The following BAIAP2 variants were observed in gnomAD, a reference collection of about 807,000 sequenced individuals.
The protein encoded by BAIAP2 is BAR/IMD domain containing adaptor protein 2.
A neutral mutation model predicts 63.0 loss-of-function variants in BAIAP2; 18 were observed. That is an observed-to-expected ratio of 0.29 (90% CI 0.20 to 0.42). The LOEUF is 0.42. Among genes scored for constraint, BAIAP2 ranks in the 10% least tolerant of loss-of-function variants. The probability of loss-of-function intolerance (pLI) is 1.00; values close to 1 mark genes in which losing one functional copy is unlikely to be tolerated. For missense variants in BAIAP2, 610 were observed against 734.3 expected (o/e 0.83, Z 1.96); for synonymous variants, 386 against 307.6 (o/e 1.25, Z -2.67).
chr17:81,076,737 C>T (rs2053724593), intron 3 of BAIAP2, among the ~76,000 whole-genome samples: 1 of 152,186 alleles, frequency 6.6e-6, no homozygotes, highest in Admixed American at 6.5e-5. Context: ...AATCCCAGCA[C>T]TTTGGGAGTC....
intron 6 of BAIAP2, among the ~76,000 whole-genome samples, chr17:81,090,404 G>A (rs1555674047): frequency 6.6e-6 from 1 of 151,854 alleles, no homozygotes; most frequent in Non-Finnish European, 1.5e-5. Context: ...GTCAATGGGA[G>A]ACGGGGCTTC....
chr17:81,101,960 C>T (rs1010345562), intron 7 of BAIAP2, among the ~76,000 whole-genome samples: 7 of 152,312 alleles, frequency 4.6e-5, no homozygotes, highest in South Asian at 2.1e-4. Flanking sequence ...GGCCCCATGA[C>T]GGGGCCAGGG....
intron 7 of BAIAP2, 66 bp downstream of exon 7, chr17:81,100,146 T>C: frequency 6.5e-7 from 1 of 1,529,408 alleles, no homozygotes. Flanking sequence ...CCCAGGCCCC[T>C]GCCCCAGCCC....
intron 1 of BAIAP2, among the ~76,000 whole-genome samples, chr17:81,041,500 A>T (rs1228398257): frequency 6.6e-6 from 1 of 152,136 alleles, no homozygotes; most frequent in Non-Finnish European, 1.5e-5. Flanking sequence ...TTTATTTTAT[A>T]CTTACTGGAA....
intron 3 of BAIAP2, among the ~76,000 whole-genome samples, chr17:81,063,317 C>T (rs1199546027): frequency 6.6e-6 from 1 of 152,202 alleles, no homozygotes; most frequent in African/African-American, 2.4e-5. Context: ...GCCTTTCTCA[C>T]TGTGTCTTAG....
At chr17:81,070,595 C>A (rs1174566269) in intron 3 of BAIAP2, among the ~76,000 whole-genome samples, 1 of 152,214 alleles carries the variant, frequency 6.6e-6, no homozygotes, top group African/African-American at 2.4e-5. Context: ...CCCTGGCGTG[C>A]CTGTCCCGCT....
At chr17:81,053,198 C>T (rs2048937312) in intron 1 of BAIAP2, among the ~76,000 whole-genome samples, 1 of 148,898 alleles carries the variant, frequency 6.7e-6, no homozygotes, top group African/African-American at 2.5e-5. Context: ...TGCAGTGGTG[C>T]TAATCAGAGC....
chr17:81,093,938 C>A (rs761899989), intron 6 of BAIAP2, among the ~76,000 whole-genome samples: 1 of 151,452 alleles, frequency 6.6e-6, no homozygotes, highest in East Asian at 1.9e-4. Flanking sequence ...ACCCCTCCCC[C>A]CCACCACCCC....
At chr17:81,108,772 T>C in intron 13 of BAIAP2, 2 of 980,268 alleles carry the variant, frequency 2.0e-6, no homozygotes, top group Non-Finnish European at 2.9e-6. Flanking sequence ...GGAGGGTAGC[T>C]GAGGCTGGCA....
At chr17:81,041,966 C>T (rs1388585930) in intron 1 of BAIAP2, among the ~76,000 whole-genome samples, 1 of 152,124 alleles carries the variant, frequency 6.6e-6, no homozygotes, top group Non-Finnish European at 1.5e-5. Context: ...AAGAGTTTGA[C>T]TTCTGAGTCA....
In BAIAP2 at chr17:81,046,354, G is replaced by A. The variant is rs1023248482; in HGVS notation, c.55-7314G>A. On this transcript the variant is annotated intron_variant, in intron 1 of 13. Transcript: ENST00000428708. The surrounding 1 kb of genome is among the most constrained non-coding windows in gnomAD (Gnocchi z 4.5). ...GTTCAAGATCTGCCTCCTCCAGGCA[G>A]CCCTCCCAGCTGTGCTCCTGGAGTT... Among the ~76,000 whole-genome samples the A allele has an allele frequency of 1.3e-5, 2 of 152,056 alleles. No individual in the cohort carries two copies. Among genetic ancestry groups the A allele is most frequent in the Non-Finnish European group, 2.9e-5 (2 of 67,946 alleles).
intron 2 of BAIAP2, among the ~76,000 whole-genome samples, chr17:81,055,239 C>T (rs1329403609): frequency 6.6e-6 from 1 of 152,176 alleles, no homozygotes; most frequent in Non-Finnish European, 1.5e-5. Context: ...GGAGAAAGCA[C>T]TCCAACCGAG....
At chr17:81,108,621 C>G in intron 13 of BAIAP2, 112 bp downstream of exon 13, 3 of 1,389,756 alleles carry the variant, frequency 2.2e-6, no homozygotes, top group Non-Finnish European at 2.0e-6. Context: ...TAGGGCCCAG[C>G]CTGGCCCTTC....
chr17:81,096,953 AGAG>A (rs970370285), intron 6 of BAIAP2, among the ~76,000 whole-genome samples: 168 of 152,252 alleles, frequency 1.1e-3, no homozygotes, highest in African/African-American at 3.8e-3. Flanking sequence ...AGGAGAAAGT[AGAG>A]GAGGAGAAGA....
chr17:81,109,478 A>G, intron 13 of BAIAP2: 3 of 985,028 alleles, frequency 3.0e-6, no homozygotes, highest in Non-Finnish European at 3.6e-6. Flanking sequence ...GTGCGCTGTT[A>G]TCTCGCATCC....
At chr17:81,108,348 C>T in intron 12 of BAIAP2, 127 bp from the exon 13 acceptor site, 1 of 1,048,560 alleles carries the variant, frequency 9.5e-7, no homozygotes, top group South Asian at 1.5e-5. Context: ...GATGGGGAGC[C>T]TTCCAAAGGA....
At position 81,116,177 on chromosome 17, in the gene BAIAP2, C is replaced by G; in HGVS notation, c.*338C>G. 1 of 1,606,046 alleles carries G rather than the reference C, an allele frequency of 6.2e-7. No individual in the cohort carries two copies. ...GGCCAGCTGGTGGCTGGGAGGGGAG[C>G]CTGGCTGCCCTGCTGCTTCTCCTGC... is the stretch of plus-strand genomic sequence containing the variant. On this transcript the variant is annotated 3_prime_UTR_variant, in exon 14 of 14. Transcript: ENST00000428708.
intron 6 of BAIAP2, among the ~76,000 whole-genome samples, chr17:81,087,304 G>A (rs910766333): frequency 2.0e-5 from 3 of 152,328 alleles, no homozygotes; most frequent in South Asian, 2.1e-4. Flanking sequence ...GGTGAAGCCC[G>A]GGCCTCCAGG....
At chr17:81,049,831 C>T (rs1031202016) in intron 1 of BAIAP2, among the ~76,000 whole-genome samples, 1 of 152,164 alleles carries the variant, frequency 6.6e-6, no homozygotes, top group Admixed American at 6.5e-5. Context: ...TTAGGGGAGC[C>T]GGAGGTGGAA....
Sources: allele counts gnomAD v4.1 joint callset (sites outside exome capture counted in the v4.1 genomes callset), GRCh38; gene constraint gnomAD v4.1.1; non-coding constraint Gnocchi (gnomAD v3.1); transcripts MANE v1.5; gene names NCBI Gene and HGNC (gene_info 2026-07-23, HGNC 2026-07-21).